JPH3: variants seen among roughly 807,000 people sequenced by gnomAD.
JPH3 encodes junctophilin 3.
A neutral mutation model predicts 59.6 loss-of-function variants in JPH3; 11 were observed. The ratio of observed to expected loss-of-function variants is 0.18; its 90% CI spans 0.12 to 0.31. The LOEUF is 0.31. JPH3 is among the 10% of genes least tolerant of loss of function. The probability of loss-of-function intolerance (pLI) is 1.00; values close to 1 mark genes in which losing one functional copy is unlikely to be tolerated. For missense variants in JPH3, 1,202 were observed against 1,105.7 expected (o/e 1.09, Z -1.24); for synonymous variants, 673 against 483.6 (o/e 1.39, Z -5.14).
chr16:87,608,907 G>A (rs2030628759), intron 1 of JPH3, among the ~76,000 whole-genome samples: 1 of 152,198 alleles, frequency 6.6e-6, no homozygotes, highest in Admixed American at 6.5e-5. Context: ...GTGTGGTGCT[G>A]CACGCCTGTG....
chr16:87,658,777 C>G (rs1481579182), intron 2 of JPH3, among the ~76,000 whole-genome samples: 1 of 152,248 alleles, frequency 6.6e-6, no homozygotes, highest in Admixed American at 6.5e-5. Flanking sequence ...CACCCCTCAC[C>G]TGGGGCCTGC....
In JPH3 at chr16:87,644,476, C is replaced by G; in HGVS notation, c.601C>G (p.His201Asp). ...CCGCGGGGGCTTCGTGCTCGTGGCC[C>G]ACAGTGACTCCGAGATCCTCAAGAG... ...VSRGGFVLVAHSDSEILKSKK... is the reference protein window; with the variant it reads ...VSRGGFVLVADSDSEILKSKK... The change falls in exon 2 of 5, where the codon CAC becomes GAC. Residue 201 changes from histidine to aspartate, a missense_variant. His to Asp is a moderately conservative substitution (Grantham distance 81). Transcript: ENST00000284262. 6.2e-7 allele frequency: 1 copy of G among 1,612,828 alleles called. No individual in the cohort carries two copies. The highest frequency in any genetic ancestry group is 8.5e-7 in the Non-Finnish European group (1 of 1,179,802).
In JPH3 at chr16:87,627,965, C is replaced by T. The variant is rs575961702; in HGVS notation, c.383-16293C>T. 6.5e-4 allele frequency among the ~76,000 whole-genome samples: 99 copies of T among 152,340 alleles called. 2 individuals are homozygous for T. The Middle Eastern group carries it at 0.014, about 21-fold the overall frequency. ...TGGGCCCCACCACCTCCTGGGTGAG[C>T]GTTCCCAACATCAGAGCTATGCAGC... On this transcript the variant is annotated intron_variant, in intron 1 of 4. Coordinates refer to ENST00000284262, the MANE Select transcript of JPH3 (RefSeq NM_020655.4).
intron 4 of JPH3, chr16:87,695,486 T>C (rs780562323): frequency 6.8e-5 from 31 of 454,360 alleles, no homozygotes; most frequent in South Asian, 3.7e-4. Flanking sequence ...CTTACCACAG[T>C]GGGGTCTACA....
rs767952095 is a variant in JPH3 at position 87,690,320 on chromosome 16, A to C, written c.1960A>C (p.Arg654=). 3.8e-6 allele frequency: 6 copies of C among 1,592,562 alleles called. No individual in the cohort carries two copies. Among genetic ancestry groups the C allele is most frequent in the Non-Finnish European group, 5.1e-6 (6 of 1,170,270 alleles). Residue 654 remains arginine (R), a synonymous_variant, in exon 4 of 5, where the codon AGA becomes CGA. Coordinates refer to ENST00000284262, the MANE Select transcript of JPH3 (RefSeq NM_020655.4). ...RPEDRGFGVQ[R]LRSKAQNKEN... ...CGAGGACCGGGGCTTCGGGGTGCAGAGACTGCGGTCCAAGGCCCAGAACAA... is the reference window on the plus strand; with the variant it reads ...CGAGGACCGGGGCTTCGGGGTGCAGCGACTGCGGTCCAAGGCCCAGAACAA...
chr16:87,621,789 C>A (rs983935834), intron 1 of JPH3, among the ~76,000 whole-genome samples: 3 of 152,146 alleles, frequency 2.0e-5, no homozygotes, highest in Non-Finnish European at 4.4e-5. Flanking sequence ...AGGGGACAGT[C>A]TAGGGACGTA....
intron 3 of JPH3, among the ~76,000 whole-genome samples, chr16:87,685,631 G>GAC (rs2033398939): frequency 6.6e-6 from 1 of 152,242 alleles, no homozygotes. Context: ...CAGTGCCGTC[G>GAC]GGGGCACCTG....
At chr16:87,664,191 C>T (rs759395969) in intron 2 of JPH3, among the ~76,000 whole-genome samples, 2 of 151,946 alleles carry the variant, frequency 1.3e-5, no homozygotes, top group Non-Finnish European at 2.9e-5. Context: ...ATTAGCTGGG[C>T]GTGGTGGAAG....
At chr16:87,685,596 G>A (rs184350676) in intron 3 of JPH3, among the ~76,000 whole-genome samples, 4 of 152,382 alleles carry the variant, frequency 2.6e-5, no homozygotes, top group South Asian at 4.1e-4. Flanking sequence ...ATGGACGAAC[G>A]GAACAGGGAT....
chr16:87,619,061 C>G (rs1218134038), intron 1 of JPH3, among the ~76,000 whole-genome samples: 2 of 149,236 alleles, frequency 1.3e-5, no homozygotes, highest in Non-Finnish European at 3.0e-5. Context: ...GCACTCTAGC[C>G]TGGGCAACAG....
intron 1 of JPH3, among the ~76,000 whole-genome samples, chr16:87,607,456 C>G (rs989116942): frequency 6.6e-6 from 1 of 152,248 alleles, no homozygotes; most frequent in Non-Finnish European, 1.5e-5. Context: ...CGCACACACA[C>G]GCGCACAAAA....
At chr16:87,656,092 G>A (rs1430279475) in intron 2 of JPH3, among the ~76,000 whole-genome samples, 2 of 152,248 alleles carry the variant, frequency 1.3e-5, no homozygotes, top group Non-Finnish European at 2.9e-5. Flanking sequence ...TGCATGGCGT[G>A]AACTTCCCTT....
chr16:87,686,171 C>T (rs950605832), intron 3 of JPH3, among the ~76,000 whole-genome samples: 3 of 152,326 alleles, frequency 2.0e-5, no homozygotes, highest in Non-Finnish European at 2.9e-5. Context: ...GGTGTTTCTA[C>T]CCCCACCCCC....
intron 2 of JPH3, among the ~76,000 whole-genome samples, chr16:87,648,994 A>G (rs531850329): frequency 2.6e-5 from 4 of 152,214 alleles, no homozygotes; most frequent in Non-Finnish European, 4.4e-5. Flanking sequence ...CCACGGGGAG[A>G]TGAGGCATCA....
At chr16:87,691,704 G>A (rs374796043) in intron 4 of JPH3, among the ~76,000 whole-genome samples, 6 of 152,124 alleles carry the variant, frequency 3.9e-5, no homozygotes, top group South Asian at 2.1e-4. Flanking sequence ...CACTGCGGAC[G>A]TCTGTCTGTC....
intron 1 of JPH3, among the ~76,000 whole-genome samples, chr16:87,635,618 G>A (rs948827804): frequency 6.6e-6 from 1 of 152,224 alleles, no homozygotes; most frequent in African/African-American, 2.4e-5. Context: ...CAGCCTGGCA[G>A]AACAGGAAGG....
At chr16:87,643,001 C>G (rs915124187) in intron 1 of JPH3, among the ~76,000 whole-genome samples, 10 of 152,198 alleles carry the variant, frequency 6.6e-5, no homozygotes, top group African/African-American at 7.2e-5. Flanking sequence ...ACCTCCAAGG[C>G]TTTCCCATCA....
chr16:87,620,581 G>A (rs983333396), intron 1 of JPH3, among the ~76,000 whole-genome samples: 1 of 150,406 alleles, frequency 6.6e-6, no homozygotes, highest in Admixed American at 6.6e-5. Flanking sequence ...GTCCTGCCAT[G>A]GGGGGGACGT....
Position 87,690,013 on chromosome 16 carries a change from G to C in JPH3, c.1653G>C (p.Leu551=), listed in dbSNP as rs142631971. Reference sequence around the variant, plus strand: ...GCAGCGGTGCCCTGCGCGGCGGCCTGCTCGTGGATGACTTCCGCACCCGAG... The same window carrying C: ...GCAGCGGTGCCCTGCGCGGCGGCCTCCTCGTGGATGACTTCCGCACCCGAG... ...GVRSGALRGG[L]LVDDFRTRGS... Residue 551 remains leucine (L), a synonymous_variant, in exon 4 of 5, where the codon CTG becomes CTC. Coordinates refer to ENST00000284262, the MANE Select transcript of JPH3 (RefSeq NM_020655.4). 1.1e-4 allele frequency: 166 copies of C among 1,524,226 alleles called. No homozygotes were observed. In the African/African-American group the frequency reaches 1.7e-3, roughly 16 times the overall value. The allele number at this position is 1,524,226 out of a possible 1,614,324, so 94.4% of individuals were successfully genotyped here.
Sources: allele counts gnomAD v4.1 joint callset (sites outside exome capture counted in the v4.1 genomes callset), GRCh38; gene constraint gnomAD v4.1.1; transcripts MANE v1.5; gene names NCBI Gene and HGNC (gene_info 2026-07-23, HGNC 2026-07-21).